ZSWIM6: variants seen among roughly 807,000 people sequenced by gnomAD.
The protein encoded by ZSWIM6 is zinc finger SWIM-type containing 6, also known as zinc finger SWIM domain-containing protein 6.
A neutral mutation model predicts 113.2 loss-of-function variants in ZSWIM6; 9 were observed. The ratio of observed to expected loss-of-function variants is 0.08; its 90% confidence interval spans 0.05 to 0.14. The LOEUF (loss-of-function observed/expected upper bound fraction) is 0.14, where lower values mean the gene tolerates loss of function less well. Ranked by LOEUF, ZSWIM6 falls within the 10% of genes least tolerant of loss-of-function variation. The probability of loss-of-function intolerance (pLI) is 1.00; values close to 1 mark genes in which losing one functional copy is unlikely to be tolerated. For missense variants in ZSWIM6, 1,162 were observed against 1,552.2 expected (o/e 0.75, Z 4.22); for synonymous variants, 611 against 606.5 (o/e 1.01, Z -0.11).
intron 1 of ZSWIM6, among the ~76,000 whole-genome samples, chr5:61,382,574 C>T (rs1156510882): frequency 6.6e-6 from 1 of 152,130 alleles, no homozygotes; most frequent in Non-Finnish European, 1.5e-5. Flanking sequence ...GAGGCTGAGG[C>T]AGGTGGACCA....
chr5:61,456,611 A>T (rs1190599396), intron 1 of ZSWIM6, among the ~76,000 whole-genome samples: 3 of 152,232 alleles, frequency 2.0e-5, no homozygotes, highest in African/African-American at 7.2e-5. Context: ...CCTGCTGTGC[A>T]TATGTATATA....
chr5:61,539,301 T>C (rs1310225782), intron 11 of ZSWIM6, among the ~76,000 whole-genome samples: 1 of 152,210 alleles, frequency 6.6e-6, no homozygotes, highest in Non-Finnish European at 1.5e-5. Context: ...CTAGGAGAGC[T>C]GTTGCTGTCT....
At chr5:61,377,179 A>G (rs1298328303) in intron 1 of ZSWIM6, among the ~76,000 whole-genome samples, 1 of 152,222 alleles carries the variant, frequency 6.6e-6, no homozygotes, top group Non-Finnish European at 1.5e-5. Context: ...AGCATTTTAA[A>G]TCAGTGAGGG....
intron 1 of ZSWIM6, chr5:61,347,563 TA>T (rs1384408570): frequency 6.4e-6 from 1 of 156,452 alleles, no homozygotes; most frequent in Non-Finnish European, 1.4e-5. Flanking sequence ...CTCTGGTGCA[TA>T]GGGGGCACAG....
intron 1 of ZSWIM6, among the ~76,000 whole-genome samples, chr5:61,419,153 A>G (rs955588306): frequency 1.3e-5 from 2 of 152,216 alleles, no homozygotes; most frequent in African/African-American, 4.8e-5. Context: ...GTTAGTTTCC[A>G]TGTATAGTAA....
chr5:61,394,748 G>C (rs753776552), intron 1 of ZSWIM6, among the ~76,000 whole-genome samples: 1 of 152,160 alleles, frequency 6.6e-6, no homozygotes, highest in Non-Finnish European at 1.5e-5. Flanking sequence ...CCAGAGGAGG[G>C]GGTATGGAAA....
chr5:61,345,143 G>A (rs1744629748), intron 1 of ZSWIM6, among the ~76,000 whole-genome samples: 1 of 151,950 alleles, frequency 6.6e-6, no homozygotes, highest in African/African-American at 2.4e-5. Context: ...TTGAAGTTGT[G>A]GAGTCTGAAT....
Position 61,525,818 on chromosome 5 carries a change from A to T in ZSWIM6, c.1532A>T (p.His511Leu). Reference protein sequence around the residue: ...NANQDSSNRPHRTVFTRAIEA... With the variant: ...NANQDSSNRPLRTVFTRAIEA... ...AAAACAGATTCATCGAACAGGCCACATCGGACAGTGTTCACCCGAGCCATC... is the reference window on the plus strand; with the variant it reads ...AAAACAGATTCATCGAACAGGCCACTTCGGACAGTGTTCACCCGAGCCATC... Residue 511 changes from histidine to leucine, a missense_variant, in exon 6 of 14, where the codon CAT becomes CTT. His to Leu is a moderately conservative substitution (Grantham distance 99). This residue lies in a region of ZSWIM6 where 620 missense variants were observed against 804.6 expected (regional missense o/e 0.77). Coordinates refer to ENST00000252744, the MANE Select transcript of ZSWIM6 (RefSeq NM_020928.2). 2 of 1,551,760 alleles carry T rather than the reference A, an allele frequency of 1.3e-6. No individual in the cohort carries two copies. The highest frequency in any genetic ancestry group is 1.7e-6 in the Non-Finnish European group (2 of 1,146,982).
chr5:61,433,332 G>A (rs565287195), intron 1 of ZSWIM6, among the ~76,000 whole-genome samples: 4 of 152,208 alleles, frequency 2.6e-5, no homozygotes, highest in Admixed American at 2.0e-4. Flanking sequence ...TTTACAAGAA[G>A]GCATGCGGTG....
At chr5:61,461,552 G>A (rs1747324132) in intron 1 of ZSWIM6, among the ~76,000 whole-genome samples, 1 of 152,200 alleles carries the variant, frequency 6.6e-6, no homozygotes, top group Non-Finnish European at 1.5e-5. Flanking sequence ...TCAGCATCCA[G>A]TGGAAAGCTT....
intron 1 of ZSWIM6, among the ~76,000 whole-genome samples, chr5:61,336,709 C>T (rs1396482104): frequency 6.6e-6 from 1 of 151,766 alleles, no homozygotes; most frequent in African/African-American, 2.4e-5. Context: ...GAACTGAGAT[C>T]GCATCATTGC....
Position 61,439,964 on chromosome 5 carries a change from A to T in ZSWIM6, c.677-32717A>T, listed in dbSNP as rs1746791022. 6.6e-5 allele frequency among the ~76,000 whole-genome samples: 10 copies of T among 152,226 alleles called. No homozygotes were observed. The South Asian group carries it at 2.1e-3, about 32-fold the overall frequency. Reference sequence around the variant, plus strand: ...CAAGTGCCCTTTCTACCTAATCTGGATTGCCAGGAATATGCTTGAAATGCC... The same window carrying T: ...CAAGTGCCCTTTCTACCTAATCTGGTTTGCCAGGAATATGCTTGAAATGCC... On this transcript the variant is annotated intron_variant, in intron 1 of 13. Transcript: ENST00000252744.
At chr5:61,502,472 C>T (rs1283294633) in intron 4 of ZSWIM6, among the ~76,000 whole-genome samples, 1 of 152,154 alleles carries the variant, frequency 6.6e-6, no homozygotes, top group East Asian at 1.9e-4. Context: ...AGATCCTTCT[C>T]AATCAGAGCA....
chr5:61,373,345 T>G (rs944216859), intron 1 of ZSWIM6, among the ~76,000 whole-genome samples: 17 of 149,342 alleles, frequency 1.1e-4, no homozygotes, highest in African/African-American at 3.4e-4. Context: ...ACATTTTGAC[T>G]ACTAAAATTT....
At chr5:61,535,748 T>C in intron 10 of ZSWIM6, 129 bp downstream of exon 10, 2 of 1,216,590 alleles carry the variant, frequency 1.6e-6, no homozygotes, top group East Asian at 2.6e-5. Flanking sequence ...GTATTTATGC[T>C]TCCTGTATTG....
intron 1 of ZSWIM6, among the ~76,000 whole-genome samples, chr5:61,407,951 C>T (rs1443892153): frequency 1.3e-5 from 2 of 152,138 alleles, no homozygotes; most frequent in African/African-American, 4.8e-5. Flanking sequence ...TGTTACCTCT[C>T]AGAATTACAA....
At chr5:61,425,135 A>G (rs1042356944) in intron 1 of ZSWIM6, among the ~76,000 whole-genome samples, 3 of 152,222 alleles carry the variant, frequency 2.0e-5, no homozygotes, top group African/African-American at 7.2e-5. Context: ...ATTTTATCAA[A>G]ACCAAGACCA....
intron 1 of ZSWIM6, among the ~76,000 whole-genome samples, chr5:61,433,549 C>G (rs981667762): frequency 6.6e-6 from 1 of 151,534 alleles, no homozygotes; most frequent in African/African-American, 2.4e-5. Flanking sequence ...CTTGGCTCAC[C>G]GCAACCTCCG....
intron 2 of ZSWIM6, among the ~76,000 whole-genome samples, chr5:61,478,786 T>C (rs757673091): frequency 2.6e-5 from 4 of 152,106 alleles, no homozygotes; most frequent in Non-Finnish European, 4.4e-5. Context: ...GAATGATATA[T>C]GCATTTTGAA....
Sources: gnomAD v4.1 joint callset for allele counts (sites outside exome capture counted in the v4.1 genomes callset) on GRCh38, gnomAD v4.1.1 for gene constraint, gnomAD v4.1.1 regional missense constraint, MANE v1.5 for transcripts, NCBI Gene and HGNC (gene_info 2026-07-23, HGNC 2026-07-21) for gene names.